RAD51B: variants seen among roughly 807,000 people sequenced by gnomAD.
The protein encoded by RAD51B is RAD51 paralog B, also known as DNA repair protein RAD51 homolog 2.
In RAD51B, 38 loss-of-function variants were observed where a neutral mutation model predicts 42.2. The observed-to-expected ratio is 0.90, with a 90% CI of 0.70 to 1.18. RAD51B has a LOEUF of 1.18. Ranked by LOEUF, RAD51B falls within the 50% of genes most tolerant of loss-of-function variation. The pLI is 0.00. For synonymous variants in RAD51B, 154 were observed against 145.2 expected (o/e 1.06, Z -0.43); for missense variants, 373 against 400.7 (o/e 0.93, Z 0.59).
chr14:68,564,669 A>C (rs988523649), intron 10 of RAD51B, among the ~76,000 whole-genome samples: 1 of 152,190 alleles, frequency 6.6e-6, no homozygotes, highest in East Asian at 1.9e-4. Flanking sequence ...CACCACCACA[A>C]GGGCACCTTC....
intron 7 of RAD51B, among the ~76,000 whole-genome samples, chr14:67,944,142 G>A (rs966149644): frequency 4.0e-5 from 6 of 151,494 alleles, no homozygotes; most frequent in African/African-American, 1.5e-4. Flanking sequence ...CATTTTAATG[G>A]GCTCTTTTGT....
At chr14:68,595,760 A>G in exon 11 of RAD51B, 7 of 497,656 alleles carry the variant, frequency 1.4e-5, no homozygotes, top group Non-Finnish European at 1.9e-5. Context: ...GCTTAATCTC[A>G]TGGGAAAGTG....
intron 8 of RAD51B, chr14:68,306,742 A>G: frequency 2.4e-6 from 1 of 421,322 alleles, no homozygotes; most frequent in South Asian, 1.8e-5. Flanking sequence ...CTTTCAGAAG[A>G]TGAACTTGCA....
At chr14:68,152,680 T>C (rs1021919008) in intron 7 of RAD51B, among the ~76,000 whole-genome samples, 3 of 152,036 alleles carry the variant, frequency 2.0e-5, no homozygotes, top group East Asian at 3.8e-4. Context: ...GGGTTGGTTG[T>C]ACAGATTATT....
intron 9 of RAD51B, among the ~76,000 whole-genome samples, chr14:68,440,964 AG>A (rs1247346460): frequency 6.6e-6 from 1 of 152,210 alleles, no homozygotes; most frequent in East Asian, 1.9e-4. Flanking sequence ...ATCACTAACC[AG>A]GATACTTATG....
intron 7 of RAD51B, among the ~76,000 whole-genome samples, chr14:68,007,437 G>A (rs897431004): frequency 4.0e-5 from 6 of 151,874 alleles, no homozygotes; most frequent in East Asian, 1.9e-4. Flanking sequence ...AGGAACTGCC[G>A]AACTGTTTTT....
At chr14:68,259,078 G>A (rs2080820046) in intron 7 of RAD51B, among the ~76,000 whole-genome samples, 1 of 152,166 alleles carries the variant, frequency 6.6e-6, no homozygotes, top group African/African-American at 2.4e-5. Flanking sequence ...GAAAGAAGCT[G>A]CTCAGACATA....
intron 11 of RAD51B, among the ~76,000 whole-genome samples, chr14:68,673,646 A>G (rs1566969565): frequency 1.3e-5 from 2 of 152,046 alleles, no homozygotes; most frequent in South Asian, 2.1e-4. Context: ...ATATGTATAC[A>G]TGCACACACA....
intron 5 of RAD51B, among the ~76,000 whole-genome samples, chr14:67,866,039 A>G (rs2042327833): frequency 6.6e-6 from 1 of 152,218 alleles, no homozygotes; most frequent in Admixed American, 6.5e-5. Flanking sequence ...CCAATTTACA[A>G]CCTAGCTAGA....
intron 7 of RAD51B, among the ~76,000 whole-genome samples, chr14:68,120,940 A>G (rs900903898): frequency 1.5e-4 from 23 of 152,140 alleles, no homozygotes; most frequent in African/African-American, 5.1e-4. Flanking sequence ...TTAAAAAGAC[A>G]TATTTTATAT....
chr14:67,849,617 G>C (rs191935642), intron 4 of RAD51B, among the ~76,000 whole-genome samples: 1 of 152,202 alleles, frequency 6.6e-6, no homozygotes, highest in East Asian at 1.9e-4. Flanking sequence ...GTCTATATGT[G>C]TTAGTTTGAA....
At chr14:68,420,367 A>G (rs1566872939) in intron 9 of RAD51B, among the ~76,000 whole-genome samples, 1 of 152,218 alleles carries the variant, frequency 6.6e-6, no homozygotes, top group Non-Finnish European at 1.5e-5. Flanking sequence ...TTAAGAAAGT[A>G]AAGGAATAAA....
At chr14:67,954,764 A>G (rs2074516016) in intron 7 of RAD51B, among the ~76,000 whole-genome samples, 1 of 152,174 alleles carries the variant, frequency 6.6e-6, no homozygotes, top group Non-Finnish European at 1.5e-5. Flanking sequence ...TTTTCTCTTT[A>G]AATTGAAAAA....
downstream of RAD51B, among the ~76,000 whole-genome samples, chr14:68,598,987 G>A (rs1891111520): frequency 6.6e-6 from 1 of 152,164 alleles, no homozygotes; most frequent in Admixed American, 6.6e-5. Flanking sequence ...CCCCAGCAGG[G>A]CAGAGGAAGC....
At chr14:67,882,820 C>G (rs1177117577) in intron 5 of RAD51B, among the ~76,000 whole-genome samples, 9 of 152,094 alleles carry the variant, frequency 5.9e-5, no homozygotes, top group African/African-American at 2.2e-4. Flanking sequence ...TCTTGGCTCA[C>G]TGCAACCTCC....
At chr14:67,873,082 G>A (rs1455861314) in intron 5 of RAD51B, among the ~76,000 whole-genome samples, 1 of 152,154 alleles carries the variant, frequency 6.6e-6, no homozygotes. Context: ...AGCCAAAATT[G>A]ACAAATGGGA....
intron 8 of RAD51B, among the ~76,000 whole-genome samples, chr14:68,400,877 A>C (rs2084083945): frequency 1.3e-5 from 2 of 152,070 alleles, no homozygotes; most frequent in African/African-American, 4.8e-5. Flanking sequence ...AAGAGATTTC[A>C]CTACAAGTCA....
chr14:67,934,488 G>C lies in RAD51B; in HGVS notation c.756+47284G>C, dbSNP rs77237920. Among the ~76,000 whole-genome samples, 1,349 of 152,022 alleles carry C rather than the reference G, an allele frequency of 8.9e-3. 20 individuals carry two copies. Among genetic ancestry groups the C allele is most frequent in the African/African-American group, 0.031 (1,270 of 41,454 alleles). On this transcript the variant is annotated intron_variant, in intron 7 of 10. Coordinates refer to ENST00000471583, the MANE Select transcript of RAD51B (RefSeq NM_133510.4). ...TTTCATTTCTTTATTTATTTGACAC[G>C]TATTTAATGGGAATTAGGAATTCTG...
At chr14:68,158,570 A>G (rs2078567329) in intron 7 of RAD51B, among the ~76,000 whole-genome samples, 1 of 152,214 alleles carries the variant, frequency 6.6e-6, no homozygotes, top group South Asian at 2.1e-4. Context: ...TAAATGTTGT[A>G]TAACACTGCT....
Sources: gnomAD v4.1 joint callset for allele counts (sites outside exome capture counted in the v4.1 genomes callset) on GRCh38, gnomAD v4.1.1 for gene constraint, MANE v1.5 for transcripts, NCBI Gene and HGNC (gene_info 2026-07-23, HGNC 2026-07-21) for gene names.